Variants in FRY observed in about 807,000 individuals in gnomAD.
FRY encodes protein furry homolog.
In FRY, 128 loss-of-function variants were observed where a neutral mutation model predicts 348.4. The ratio of observed to expected loss-of-function variants is 0.37; its 90% confidence interval spans 0.32 to 0.43. The LOEUF (loss-of-function observed/expected upper bound fraction) is 0.43, where lower values mean the gene tolerates loss of function less well. FRY is among the 20% of genes least tolerant of loss of function. The pLI is 1.00. For synonymous variants in FRY, 1,370 were observed against 1,374.7 expected, an observed-to-expected ratio of 1.00 and a Z score of 0.08; for missense variants, 2,736 against 3,695.2, an observed-to-expected ratio of 0.74 and a Z score of 6.73.
intron 2 of FRY, among the ~76,000 whole-genome samples, chr13:32,098,020 A>C (rs572294628): frequency 6.6e-6 from 1 of 152,176 alleles, no homozygotes; most frequent in Non-Finnish European, 1.5e-5. Flanking sequence ...AAAACTGGAC[A>C]CCACTGTCCT....
At chr13:32,231,126 TA>T (rs1566152028) in intron 40 of FRY, 52 bp from the exon 41 acceptor site, 1 of 1,582,482 alleles carries the variant, frequency 6.3e-7, no homozygotes, top group East Asian at 2.2e-5. Context: ...TGTGTAGTTT[TA>T]AAAATGCAAA....
At chr13:32,148,884 AG>A (rs1241524889) in intron 13 of FRY, among the ~76,000 whole-genome samples, 1 of 152,156 alleles carries the variant, frequency 6.6e-6, no homozygotes, top group Non-Finnish European at 1.5e-5. Flanking sequence ...ATTTGTACTT[AG>A]GGAAAGGACA....
intron 16 of FRY, among the ~76,000 whole-genome samples, chr13:32,157,713 C>T (rs1250249484): frequency 1.3e-5 from 2 of 152,180 alleles, no homozygotes; most frequent in South Asian, 2.1e-4. Context: ...ACTCATGTGA[C>T]ATAGTGACAT....
intron 1 of FRY, among the ~76,000 whole-genome samples, chr13:32,068,909 T>G: frequency 8.8e-6 from 1 of 113,596 alleles, no homozygotes; most frequent in Admixed American, 1.2e-4. Context: ...CCATGTTCAA[T>G]TCTTTTTTTT....
At chr13:32,038,638 C>T (rs1872637354) in intron 1 of FRY, 1 of 152,174 alleles carries the variant, frequency 6.6e-6, no homozygotes, top group African/African-American at 2.4e-5. Context: ...GAACTGCCAG[C>T]TATGTGAATA....
intron 56 of FRY, among the ~76,000 whole-genome samples, chr13:32,276,255 G>A (rs1054171037): frequency 3.9e-5 from 6 of 152,122 alleles, no homozygotes; most frequent in Admixed American, 3.9e-4. Context: ...AAGAATGGAC[G>A]TTTTCATAGG....
intron 41 of FRY, among the ~76,000 whole-genome samples, chr13:32,231,661 G>A (rs1241819542): frequency 6.6e-6 from 1 of 152,162 alleles, no homozygotes; most frequent in East Asian, 1.9e-4. Context: ...TAAATGGCTG[G>A]TTGAATGGTC....
intron 18 of FRY, among the ~76,000 whole-genome samples, chr13:32,172,239 A>T (rs1366750230): frequency 1.3e-5 from 2 of 151,588 alleles, no homozygotes; most frequent in African/African-American, 4.9e-5. Flanking sequence ...AGGGATGTGG[A>T]TAGGGTTGTG....
At chr13:32,286,747 C>CAAAAAAAAAAAAAAA (rs6144991) in intron 58 of FRY, among the ~76,000 whole-genome samples, 2 of 77,492 alleles carry the variant, frequency 2.6e-5, no homozygotes, top group African/African-American at 5.8e-5. Flanking sequence ...GACTCTGTCT[C>CAAAAAAAAAAAAAAA]AAAAAAAAAA....
chr13:32,275,049 C>G lies in FRY; in HGVS notation c.8286+58C>G, dbSNP rs551487613. ...GGCCTACGCAACCTACAGTGCAGAA[C>G]TTCAGGGTAGCATGTTTGCGCTGTG... On this transcript the variant is annotated intron_variant, in intron 56 of 60. Transcript: ENST00000542859. 19 of 1,453,486 alleles carry G rather than the reference C, an allele frequency of 1.3e-5. No individual in the cohort carries two copies. In the South Asian group the frequency reaches 1.9e-4, roughly 15 times the overall value. 90.0% of individuals were successfully genotyped at this position (1,453,486 alleles called of 1,614,324 possible).
In FRY at chr13:32,224,369, C is replaced by A. The variant is rs376003651; in HGVS notation, c.4900C>A (p.Arg1634=). The change falls in exon 37 of 61, where the codon CGG becomes AGG. Residue 1634 remains arginine (R), a synonymous_variant. Coordinates refer to ENST00000542859, the MANE Select transcript of FRY (RefSeq NM_023037.3). The stretch of plus-strand genomic sequence containing the variant: ...CTATCTCCCGGAGACCATCACTCCC[C>A]GGGGGCCACTCCACAGGTGAGCAGC... ...VDYLPETITP[R]GPLHRCNIAV... 1.5e-5 allele frequency: 24 copies of A among 1,613,842 alleles called. No homozygotes were observed. The African/African-American group carries it at 2.7e-4, about 18-fold the overall frequency.
chr13:32,233,145 G>C (rs1886011137), intron 41 of FRY, among the ~76,000 whole-genome samples: 1 of 152,178 alleles, frequency 6.6e-6, no homozygotes. Flanking sequence ...GAATGTGTCT[G>C]AAGTCAATTT....
intron 1 of FRY, among the ~76,000 whole-genome samples, chr13:32,052,573 A>T (rs1241856014): frequency 1.3e-5 from 2 of 152,222 alleles, no homozygotes; most frequent in Non-Finnish European, 2.9e-5. Context: ...AACTATTAAT[A>T]AAATATTTTA....
At chr13:32,156,857 A>G (rs1262861083) in intron 15 of FRY, among the ~76,000 whole-genome samples, 1 of 152,204 alleles carries the variant, frequency 6.6e-6, no homozygotes, top group Non-Finnish European at 1.5e-5. Context: ...ATTCACATAT[A>G]TATTTCAGAG....
At chr13:32,215,196 AAC>A (rs1264477323) in intron 35 of FRY, among the ~76,000 whole-genome samples, 2 of 152,214 alleles carry the variant, frequency 1.3e-5, no homozygotes, top group Non-Finnish European at 2.9e-5. Flanking sequence ...CAAATTTTAT[AAC>A]ATTCAATTTT....
At chr13:32,170,775 A>G (rs1422969115) in intron 17 of FRY, among the ~76,000 whole-genome samples, 1 of 152,034 alleles carries the variant, frequency 6.6e-6, no homozygotes, top group Non-Finnish European at 1.5e-5. Flanking sequence ...GAACTCGGGC[A>G]ATCCACCTGC....
rs1483699752 is a variant in FRY at position 32,194,396 on chromosome 13, G to A, written c.3746+99G>A. 9 of 1,058,296 alleles carry A rather than the reference G, an allele frequency of 8.5e-6. No individual in the cohort carries two copies. The East Asian group carries it at 1.9e-4, about 22-fold the overall frequency. The allele number at this position is 1,058,296 out of a possible 1,614,324, so 65.6% of individuals were successfully genotyped here. A position where few individuals can be genotyped will look rare whatever the true frequency, so the allele number is the denominator to read the frequency against. ...GCTGTTTTGCAACTATATGAGCAAA[G>A]TAAGTTCTATGAGAATATAAAATGT... On this transcript the variant is annotated intron_variant, in intron 29 of 60. Transcript: ENST00000542859.
intron 1 of FRY, among the ~76,000 whole-genome samples, chr13:32,044,875 G>T (rs930354931): frequency 9.2e-5 from 14 of 152,156 alleles, no homozygotes; most frequent in Admixed American, 2.0e-4. Flanking sequence ...ATTTTAAGCT[G>T]AACTTGAGCC....
At chr13:32,103,322 T>C (rs1361872587) in intron 3 of FRY, among the ~76,000 whole-genome samples, 1 of 152,268 alleles carries the variant, frequency 6.6e-6, no homozygotes, top group Non-Finnish European at 1.5e-5. Flanking sequence ...ATACGGTATA[T>C]GATGTTTGGG....
Sources: allele counts gnomAD v4.1 joint callset (sites outside exome capture counted in the v4.1 genomes callset), GRCh38; gene constraint gnomAD v4.1.1; transcripts MANE v1.5; gene names NCBI Gene and HGNC (gene_info 2026-07-23, HGNC 2026-07-21).